Variants in ATP13A5 observed in about 807,000 individuals in gnomAD.
The protein encoded by ATP13A5 is probable cation-transporting ATPase 13A5.
ATP13A5 carries 149 observed loss-of-function variants against 150.2 expected under a neutral mutation model. That is an observed-to-expected ratio of 0.99 (90% CI 0.87 to 1.14). The LOEUF (loss-of-function observed/expected upper bound fraction) is 1.14. Ranked by LOEUF, ATP13A5 falls within the 50% of genes most tolerant of loss-of-function variation. The probability of loss-of-function intolerance (pLI) is 0.00; values close to 1 mark genes in which losing one functional copy is unlikely to be tolerated. For missense variants in ATP13A5, 1,383 were observed against 1,449.3 expected, an observed-to-expected ratio of 0.95 and a Z score of 0.74; for synonymous variants, 497 against 522.2, an observed-to-expected ratio of 0.95 and a Z score of 0.66.
chr3:193,299,866 G>A (rs192814753), intron 24 of ATP13A5, among the ~76,000 whole-genome samples: 6 of 152,060 alleles, frequency 3.9e-5, no homozygotes, highest in East Asian at 1.9e-4. Context: ...CATATCTGTC[G>A]ACTAAGCACT....
At chr3:193,293,587 A>C (rs1718050887) in intron 25 of ATP13A5, among the ~76,000 whole-genome samples, 1 of 151,936 alleles carries the variant, frequency 6.6e-6, no homozygotes, top group Admixed American at 6.6e-5. Flanking sequence ...TTCAAATTCT[A>C]TTCTTATAGT....
rs1718573332 is a variant in ATP13A5, at chr3:193,305,426, T to C, written c.2678+133A>G. The C allele has an allele frequency of 5.2e-6, 4 of 765,222 alleles. No individual in the cohort carries two copies. The East Asian group carries it at 7.7e-5, about 15-fold the overall frequency. The allele number at this position is 765,222 out of a possible 1,614,324, so 47.4% of individuals were successfully genotyped here. On this transcript the variant is annotated intron_variant, in intron 23 of 29. Transcript: ENST00000342358. Reference sequence around the variant, plus strand: ...TGAGTAACACTAATGGCCCCCTTCATTGGTTCTCCAATAGCACTTCACCCA... The same window carrying C: ...TGAGTAACACTAATGGCCCCCTTCACTGGTTCTCCAATAGCACTTCACCCA...
rs759764776 is a variant in ATP13A5 at position 193,279,361 on chromosome 3, C to T, written c.3315+5G>A. On this transcript the variant is annotated splice_donor_5th_base_variant and intron_variant, in intron 28 of 29. Coordinates refer to ENST00000342358, the MANE Select transcript of ATP13A5 (RefSeq NM_198505.4). ...ATGCCAGATGTGCAAATGAATGCCA[C>T]TTACCTCCATTCCACGGTATATAAC... 8.7e-6 allele frequency: 14 copies of T among 1,610,008 alleles called. No individual in the cohort carries two copies. The highest frequency in any genetic ancestry group is 5.3e-5 in the African/African-American group (4 of 74,830).
rs1298745443 is a variant in ATP13A5, at chr3:193,327,045, T to C, written c.1474A>G (p.Thr492Ala). ...LVCFDKTGTLTEDGLDLWGTV... is the reference protein window; with the variant it reads ...LVCFDKTGTLAEDGLDLWGTV... ...CCCCAGAGGTCCAGCCCATCTTCAG[T>C]GAGAGTGCCAGTCTGAGTAAAAATT... Residue 492 changes from threonine to alanine, a missense_variant, in exon 13 of 30, where the codon ACT becomes GCT. Physicochemically the swap from Thr to Ala is moderately conservative, Grantham distance 58 (BLOSUM62 0). This residue lies in a region of ATP13A5 where 787 missense variants were observed against 771.9 expected (regional missense o/e 1.02). Coordinates refer to ENST00000342358, the MANE Select transcript of ATP13A5 (RefSeq NM_198505.4). 1.2e-6 allele frequency: 2 copies of C among 1,610,052 alleles called. No individual in the cohort carries two copies.
At chr3:193,293,148 G>A (rs535245435) in intron 25 of ATP13A5, among the ~76,000 whole-genome samples, 1 of 152,124 alleles carries the variant, frequency 6.6e-6, no homozygotes, top group South Asian at 2.1e-4. Context: ...TGATTGTGAA[G>A]CCCTATGTTC....
intron 21 of ATP13A5, among the ~76,000 whole-genome samples, chr3:193,308,256 G>A (rs1011416430): frequency 6.6e-6 from 1 of 151,928 alleles, no homozygotes; most frequent in African/African-American, 2.4e-5. Context: ...TCAGGAGTTC[G>A]AGACCAGCCT....
rs1386592428 is a variant in ATP13A5, at chr3:193,301,287, A to AAT, written c.2698_2699insAT (p.Val900AspfsTer11). The stretch of plus-strand genomic sequence containing the variant: ...GTATTTAAATACTCCAAAGGATGAA[A>AAT]CCAGAGCAGCTCGGCCTTCTCTGTT... On this transcript the variant is annotated frameshift_variant, in exon 24 of 30. Transcript: ENST00000342358. LOFTEE classifies it high-confidence loss of function. The AAT allele has an allele frequency of 6.2e-7, 1 of 1,613,148 alleles. No individual in the cohort carries two copies. Among genetic ancestry groups the AAT allele is most frequent in the East Asian group, 2.2e-5 (1 of 44,852 alleles).
chr3:193,316,623 G>A lies in ATP13A5; in HGVS notation c.2034-1527C>T, dbSNP rs943528136. 3.9e-5 allele frequency among the ~76,000 whole-genome samples: 6 copies of A among 152,048 alleles called. No individual in the cohort carries two copies. The East Asian group carries it at 9.6e-4, about 24-fold the overall frequency. ...TCTGTTGGTCATTTGTACGTCTTTG[G>A]AGAAATGTCTATTCAGGGCCTTTGT... is the stretch of plus-strand genomic sequence containing the variant. On this transcript the variant is annotated intron_variant, in intron 17 of 29. Coordinates refer to ENST00000342358, the MANE Select transcript of ATP13A5 (RefSeq NM_198505.4).
At position 193,307,326 on chromosome 3, in the gene ATP13A5, C is replaced by T. The variant is rs763933171; in HGVS notation, c.2568+1G>A. The T allele has an allele frequency of 4.3e-6, 7 of 1,613,878 alleles. No homozygotes were observed. The highest frequency in any genetic ancestry group is 5.9e-6 in the Non-Finnish European group (7 of 1,179,878). The stretch of plus-strand genomic sequence containing the variant: ...TCTGAGCAAAAGCCATTTCTACTCA[C>T]CCCACAGTCGTTAGCTCCATCTCCA... On this transcript the variant is annotated splice_donor_variant, in intron 22 of 29. Transcript: ENST00000342358. LOFTEE classifies it high-confidence loss of function.
chr3:193,313,256 T>C (rs1362936972), intron 19 of ATP13A5: 2 of 152,240 alleles, frequency 1.3e-5, no homozygotes, highest in African/African-American at 4.8e-5. Flanking sequence ...CCATTCTGTA[T>C]AGCTGTGCAG....
In ATP13A5 at chr3:193,335,131, T is replaced by C. The variant is rs370938178; in HGVS notation, c.944-32A>G. 34 of 1,605,952 alleles carry C rather than the reference T, an allele frequency of 2.1e-5. No individual in the cohort carries two copies. In the African/African-American group the frequency reaches 3.9e-4, roughly 18 times the overall value. ...AGGATTGTATTTTGTTGAATCTATG[T>C]AAGCTCAGGTAGTTGGTCAGAACTG... On this transcript the variant is annotated intron_variant, in intron 9 of 29. Transcript: ENST00000342358.
At chr3:193,313,746 C>G (rs1718939898) in intron 19 of ATP13A5, 2 of 319,426 alleles carry the variant, frequency 6.3e-6, no homozygotes, top group Admixed American at 9.0e-5. Flanking sequence ...CAGTAGTTCT[C>G]AGCCATGACT....
intron 19 of ATP13A5, chr3:193,313,801 C>A (rs961272910): frequency 4.4e-6 from 2 of 451,660 alleles, no homozygotes; most frequent in Non-Finnish European, 3.9e-6. Flanking sequence ...CAGTTCCTAC[C>A]CCAGGGGTTC....
chr3:193,353,955 C>G (rs1250046095), intron 6 of ATP13A5, among the ~76,000 whole-genome samples, 172 bp downstream of exon 6: 1 of 152,032 alleles, frequency 6.6e-6, no homozygotes, highest in African/African-American at 2.4e-5. Flanking sequence ...ATCTGTCTCA[C>G]ACTGGAAAGG....
At chr3:193,282,003 G>A (rs1321047137) in intron 27 of ATP13A5, among the ~76,000 whole-genome samples, 1 of 151,958 alleles carries the variant, frequency 6.6e-6, no homozygotes, top group African/African-American at 2.4e-5. Flanking sequence ...AGACCAGCCT[G>A]GCCAAGATGG....
chr3:193,321,782 T>C lies in ATP13A5; in HGVS notation c.1814A>G (p.Gln605Arg), dbSNP rs745353669. ...LCQFPFSSSL[Q>R]RMSVIAQLAG... ...TAGCTGAGCGATCACGGACATCCTC[T>C]GCAGGCTCGAGGAAAATGGAAACTG... The change falls in exon 16 of 30, where the codon CAG becomes CGG. Residue 605 changes from glutamine to arginine, a missense_variant. Around this residue, in one of 3 missense-constraint regions of ATP13A5, gnomAD observed 787 missense variants for 771.9 expected, o/e 1.02. Coordinates refer to ENST00000342358, the MANE Select transcript of ATP13A5 (RefSeq NM_198505.4). 2 of 1,614,184 alleles carry C rather than the reference T, an allele frequency of 1.2e-6. No homozygotes were observed. Among genetic ancestry groups the C allele is most frequent in the Non-Finnish European group, 1.7e-6 (2 of 1,180,006 alleles).
chr3:193,378,221 G>A lies in ATP13A5; in HGVS notation c.63+442C>T, dbSNP rs561130378. Among the ~76,000 whole-genome samples, 17 of 152,146 alleles carry A rather than the reference G, an allele frequency of 1.1e-4. No individual in the cohort carries two copies. In the South Asian group the frequency reaches 2.7e-3, roughly 24 times the overall value. ...ATTGATGCTTAAAACTTCTCTCTGC[G>A]CTTATAAAAAGCATGACTTCAGCCC... On this transcript the variant is annotated intron_variant, in intron 1 of 29. Transcript: ENST00000342358.
chr3:193,362,000 G>A (rs1713021624), intron 5 of ATP13A5, among the ~76,000 whole-genome samples: 1 of 152,046 alleles, frequency 6.6e-6, no homozygotes, highest in Admixed American at 6.6e-5. Context: ...CTCATCTCCA[G>A]GGCTGTTTCT....
intron 5 of ATP13A5, among the ~76,000 whole-genome samples, chr3:193,360,110 C>T (rs1345114382): frequency 1.3e-5 from 2 of 152,160 alleles, no homozygotes; most frequent in Non-Finnish European, 2.9e-5. Context: ...CTGCCTAGGA[C>T]AGGCACTAAT....
Sources: gnomAD v4.1 joint callset for allele counts (sites outside exome capture counted in the v4.1 genomes callset) on GRCh38, gnomAD v4.1.1 for gene constraint, gnomAD v4.1.1 regional missense constraint, MANE v1.5 for transcripts, NCBI Gene and HGNC (gene_info 2026-07-23, HGNC 2026-07-21) for gene names.